Variants in AXIN1 observed in about 807,000 individuals in gnomAD.
AXIN1 encodes the protein axin 1.
AXIN1 carries 30 observed loss-of-function variants against 76.4 expected under a neutral mutation model. That is an observed-to-expected ratio of 0.39 (90% CI 0.29 to 0.53). The LOEUF (loss-of-function observed/expected upper bound fraction) is 0.53. AXIN1 is among the 20% of genes least tolerant of loss of function. AXIN1 has a pLI of 0.66. For synonymous variants in AXIN1, 545 were observed against 501.4 expected, an observed-to-expected ratio of 1.09 and a Z score of -1.16; for missense variants, 1,140 against 1,198.8, an observed-to-expected ratio of 0.95 and a Z score of 0.72.
At chr16:295,571 T>C (rs942917929) in intron 7 of AXIN1, among the ~76,000 whole-genome samples, 3 of 151,928 alleles carry the variant, frequency 2.0e-5, no homozygotes, top group Non-Finnish European at 4.4e-5. Flanking sequence ...AAAAAAAGTC[T>C]TAATGAATAA....
rs2141485602 is a variant in AXIN1, at chr16:293,566, G to T, written c.2108C>A (p.Pro703His). 6.2e-7 allele frequency: 1 copy of T among 1,612,284 alleles called. No individual in the cohort carries two copies. Among genetic ancestry groups the T allele is most frequent in the South Asian group, 1.1e-5 (1 of 91,070 alleles). ...PTMPPHPAPNPLTQLEEARRR... is the reference protein window; with the variant it reads ...PTMPPHPAPNHLTQLEEARRR... Reference sequence around the variant, plus strand: ...GCGCGCCTCCTCCAGCTGGGTTAGGGGGTTGGGAGCTGGGTGGGGTGGCAT... The same window carrying T: ...GCGCGCCTCCTCCAGCTGGGTTAGGTGGTTGGGAGCTGGGTGGGGTGGCAT... The change falls in exon 8 of 11, where the codon CCC becomes CAC. Residue 703 changes from proline to histidine, a missense_variant. Physicochemically the swap from Pro to His is moderately conservative, Grantham distance 77 (BLOSUM62 -2). Around this residue, in one of 3 missense-constraint regions of AXIN1, gnomAD observed 429 missense variants for 405.8 expected, o/e 1.06. Coordinates refer to ENST00000262320, the MANE Select transcript of AXIN1 (RefSeq NM_003502.4). This position sits in a 1 kb window ranked among gnomAD's most constrained non-coding sequence, Gnocchi z 4.6.
chr16:292,388 C>T (rs1283069380), intron 8 of AXIN1: 1 of 152,278 alleles, frequency 6.6e-6, no homozygotes, highest in Non-Finnish European at 1.5e-5. Flanking sequence ...ATTAGGCTCA[C>T]AGCCTGGCAG....
At position 288,047 on chromosome 16, in the gene AXIN1, G is replaced by C. The variant is rs2052433942; in HGVS notation, c.*75C>G. On this transcript the variant is annotated 3_prime_UTR_variant, in exon 11 of 11. Coordinates refer to ENST00000262320, the MANE Select transcript of AXIN1 (RefSeq NM_003502.4). ...TGTTCCCCATCGGGCTCCTGAGTACGAGGTCATCTGCCTGGCCGTGACACC... is the reference window on the plus strand; with the variant it reads ...TGTTCCCCATCGGGCTCCTGAGTACCAGGTCATCTGCCTGGCCGTGACACC... The C allele has an allele frequency of 1.2e-6, 2 of 1,607,836 alleles. No individual in the cohort carries two copies. Among genetic ancestry groups the C allele is most frequent in the African/African-American group, 1.3e-5 (1 of 74,908 alleles).
chr16:338,750 T>C (rs775638581), intron 2 of AXIN1, among the ~76,000 whole-genome samples: 23 of 152,032 alleles, frequency 1.5e-4, no homozygotes, highest in Non-Finnish European at 2.2e-4. Flanking sequence ...TGGCGAAACC[T>C]TGTCTCTACT....
chr16:310,052 T>C lies in AXIN1; in HGVS notation c.1037A>G (p.Tyr346Cys), dbSNP rs944583768. 6 of 1,611,924 alleles carry C rather than the reference T, an allele frequency of 3.7e-6. No homozygotes were observed. Among genetic ancestry groups the C allele is most frequent in the Non-Finnish European group, 4.2e-6 (5 of 1,179,394 alleles). Residue 346 changes from tyrosine to cysteine, a missense_variant, in exon 4 of 11, where the codon TAC becomes TGC. By Grantham distance (194) the Tyr-to-Cys change is radical. This residue lies in a region of AXIN1 where 708 missense variants were observed against 776.9 expected (regional missense o/e 0.91). Transcript: ENST00000262320. Reference sequence around the variant, plus strand: ...CCTGCGGTGCTGCTTACGGATCCTGTATGGGGGGATCCCATCCCTGTCCAG... The same window carrying C: ...CCTGCGGTGCTGCTTACGGATCCTGCATGGGGGGATCCCATCCCTGTCCAG... ...TDSSVDGIPPYRIRKQHRREM... is the reference protein window; with the variant it reads ...TDSSVDGIPPCRIRKQHRREM...
intron 5 of AXIN1, among the ~76,000 whole-genome samples, chr16:299,734 C>CA (rs2052817800): frequency 6.6e-6 from 1 of 152,122 alleles, no homozygotes; most frequent in South Asian, 2.1e-4. Context: ...CGGCTCACTG[C>CA]AACCTCCGTC....
chr16:304,697 G>A (rs1466896731), intron 4 of AXIN1, among the ~76,000 whole-genome samples: 1 of 152,050 alleles, frequency 6.6e-6, no homozygotes, highest in Non-Finnish European at 1.5e-5. Context: ...ACCACGCCTG[G>A]CTAATTTTTG....
chr16:307,474 G>A (rs2053058055), intron 4 of AXIN1, among the ~76,000 whole-genome samples: 1 of 152,220 alleles, frequency 6.6e-6, no homozygotes, highest in Admixed American at 6.5e-5. Context: ...CGCAGGGCAC[G>A]CATTCTGGTA....
At chr16:308,821 C>A (rs1168519500) in intron 4 of AXIN1, among the ~76,000 whole-genome samples, 1 of 152,202 alleles carries the variant, frequency 6.6e-6, no homozygotes, top group East Asian at 1.9e-4. Context: ...CTAGTTTTAG[C>A]CAAACCTGAG....
In AXIN1 at chr16:287,463, T is replaced by G; in HGVS notation, c.*659A>C. Reference sequence around the variant, plus strand: ...GGGCAGGTTCAAAAACAGTTTTATTTCATTATTATCCAAGTACCTTTGAAA... The same window carrying G: ...GGGCAGGTTCAAAAACAGTTTTATTGCATTATTATCCAAGTACCTTTGAAA... On this transcript the variant is annotated 3_prime_UTR_variant, in exon 11 of 11. Coordinates refer to ENST00000262320, the MANE Select transcript of AXIN1 (RefSeq NM_003502.4). The G allele has an allele frequency of 2.4e-6, 1 of 420,244 alleles. No homozygotes were observed. Among genetic ancestry groups the G allele is most frequent in the African/African-American group, 2.0e-5 (1 of 49,604 alleles). The allele number at this position is 420,244 out of a possible 1,614,324, so 26.0% of individuals were successfully genotyped here.
intron 2 of AXIN1, among the ~76,000 whole-genome samples, chr16:341,531 T>C (rs1338322055): frequency 6.6e-6 from 1 of 152,244 alleles, no homozygotes; most frequent in Non-Finnish European, 1.5e-5. Context: ...CAGCCCGCCA[T>C]GCCTAAGCCC....
At chr16:344,282 T>G (rs965627566) in intron 2 of AXIN1, among the ~76,000 whole-genome samples, 9 of 151,276 alleles carry the variant, frequency 5.9e-5, no homozygotes, top group African/African-American at 1.9e-4. Flanking sequence ...ATACAAAAAA[T>G]TGGCCGGCAT....
chr16:305,616 TCA>T (rs2052999814), intron 4 of AXIN1, among the ~76,000 whole-genome samples: 1 of 152,166 alleles, frequency 6.6e-6, no homozygotes, highest in African/African-American at 2.4e-5. Context: ...CGATTTCGGC[TCA>T]CTGCAAGCTC....
chr16:311,027 GTTTTC>G lies in AXIN1; in HGVS notation c.1020-963_1020-959del, dbSNP rs1380626713. On this transcript the variant is annotated intron_variant, in intron 3 of 10. Transcript: ENST00000262320. The stretch of plus-strand genomic sequence containing the variant: ...GCACAAGGTAGCTCTTTAGCAACAG[GTTTTC>G]TTTTATTTTTTTCTTTTTGAGACGG... 2.4e-4 allele frequency among the ~76,000 whole-genome samples: 36 copies of G among 152,256 alleles called. No homozygotes were observed. The East Asian group carries it at 5.8e-3, about 25-fold the overall frequency.
intron 7 of AXIN1, among the ~76,000 whole-genome samples, chr16:296,558 G>T (rs921317985): frequency 6.6e-6 from 1 of 152,190 alleles, no homozygotes; most frequent in Non-Finnish European, 1.5e-5. Context: ...CTGTGGCGCC[G>T]GGGCCTTGCT....
At chr16:320,894 C>T (rs1054354308) in intron 2 of AXIN1, among the ~76,000 whole-genome samples, 2 of 151,500 alleles carry the variant, frequency 1.3e-5, no homozygotes, top group Non-Finnish European at 2.9e-5. Context: ...CACACGTCAC[C>T]ACGCCCGGCT....
intron 2 of AXIN1, among the ~76,000 whole-genome samples, chr16:338,389 A>G (rs578071416): frequency 6.6e-6 from 1 of 152,356 alleles, no homozygotes; most frequent in African/African-American, 2.4e-5. Flanking sequence ...ACACAGTCTC[A>G]TCGGCACGTC....
intron 3 of AXIN1, among the ~76,000 whole-genome samples, chr16:311,621 A>C (rs1490494746): frequency 6.6e-6 from 1 of 151,924 alleles, no homozygotes; most frequent in Non-Finnish European, 1.5e-5. Context: ...AATACAAAAA[A>C]TTAGCCAGGT....
chr16:298,022 T>A lies in AXIN1; in HGVS notation c.1484A>T (p.Asp495Val). The A allele has an allele frequency of 3.8e-6, 6 of 1,594,756 alleles. No individual in the cohort carries two copies. The highest frequency in any genetic ancestry group is 5.1e-6 in the Non-Finnish European group (6 of 1,176,178). The change falls in exon 6 of 11, where the codon GAC (aspartate) becomes GTC (valine). Residue 495 changes from aspartate to valine, a missense_variant. Transcript: ENST00000262320. ...QSPGPGHRSPDSGHVAKMPVA... is the reference protein window; with the variant it reads ...QSPGPGHRSPVSGHVAKMPVA... ...TGGCATCTTGGCCACGTGCCCACTG[T>A]CCGGGGAGCGATGGCCAGGCCCAGG...
Sources: allele counts gnomAD v4.1 joint callset (sites outside exome capture counted in the v4.1 genomes callset), GRCh38; gene constraint gnomAD v4.1.1; regional missense constraint gnomAD v4.1.1; non-coding constraint Gnocchi (gnomAD v3.1); transcripts MANE v1.5; gene names NCBI Gene and HGNC (gene_info 2026-07-23, HGNC 2026-07-21).